KIFC1: variants seen among roughly 807,000 people sequenced by gnomAD.
KIFC1 encodes the protein kinesin family member C1, also known as kinesin-like protein KIFC1.
In KIFC1, 37 loss-of-function variants were observed where a neutral mutation model predicts 66.6. The observed-to-expected ratio is 0.56, with a 90% confidence interval of 0.43 to 0.73. KIFC1 has a LOEUF of 0.73. Ranked by LOEUF, KIFC1 falls within the 30% of genes least tolerant of loss-of-function variation. KIFC1 has a pLI of 0.00. For synonymous variants in KIFC1, 325 were observed against 343.5 expected (o/e 0.95, Z 0.60); for missense variants, 721 against 859.8 (o/e 0.84, Z 2.02).
rs999060323 is a variant in KIFC1, at chr6:33,404,692, A to C, written c.757-160A>C. On this transcript the variant is annotated intron_variant, in intron 6 of 10. Coordinates refer to ENST00000428849, the MANE Select transcript of KIFC1 (RefSeq NM_002263.4). This position sits in a 1 kb window ranked among gnomAD's most constrained non-coding sequence, Gnocchi z 4.0. ...ACATACCCATAGCACTCCCTGTCTTAGTACCATGATTCCTTATTTTCTCAT... is the reference window on the plus strand; with the variant it reads ...ACATACCCATAGCACTCCCTGTCTTCGTACCATGATTCCTTATTTTCTCAT... Among the ~76,000 whole-genome samples the C allele has an allele frequency of 6.6e-6, 1 of 152,066 alleles. No individual in the cohort carries two copies. Among genetic ancestry groups the C allele is most frequent in the Admixed American group, 6.6e-5 (1 of 15,266 alleles).
In KIFC1 at chr6:33,404,353, C is replaced by G. The variant is rs1345020304; in HGVS notation, c.756+224C>G. ...GCTTCTTCCTACCCTTGACTGTTTGCAAAGCTCTCATTTAGATCTGTGTCT... is the reference window on the plus strand; with the variant it reads ...GCTTCTTCCTACCCTTGACTGTTTGGAAAGCTCTCATTTAGATCTGTGTCT... On this transcript the variant is annotated intron_variant, in intron 6 of 10. Coordinates refer to ENST00000428849, the MANE Select transcript of KIFC1 (RefSeq NM_002263.4). The surrounding 1 kb of genome is among the most constrained non-coding windows in gnomAD (Gnocchi z 4.0). Among the ~76,000 whole-genome samples, 1 of 152,208 alleles carries G rather than the reference C, an allele frequency of 6.6e-6. No homozygotes were observed. The highest frequency in any genetic ancestry group is 1.5e-5 in the Non-Finnish European group (1 of 68,042).
In KIFC1 at chr6:33,406,026, C is replaced by T. The variant is rs1430049678; in HGVS notation, c.1537-170C>T. Among the ~76,000 whole-genome samples, 2 of 152,122 alleles carry T rather than the reference C, an allele frequency of 1.3e-5. No individual in the cohort carries two copies. The highest frequency in any genetic ancestry group is 2.9e-5 in the Non-Finnish European group (2 of 68,022). On this transcript the variant is annotated intron_variant, in intron 7 of 10. Coordinates refer to ENST00000428849, the MANE Select transcript of KIFC1 (RefSeq NM_002263.4). This position sits in a 1 kb window ranked among gnomAD's most constrained non-coding sequence, Gnocchi z 4.5. ...GTTCCCCACCCCGCCTTTATACACT[C>T]CCTATTCTATGTATTCCTTACCATT...
At position 33,404,226 on chromosome 6, in the gene KIFC1, C is replaced by A; in HGVS notation, c.756+97C>A. The A allele has an allele frequency of 8.5e-7, 1 of 1,182,430 alleles. No homozygotes were observed. Among genetic ancestry groups the A allele is most frequent in the Non-Finnish European group, 1.2e-6 (1 of 840,412 alleles). The allele number at this position is 1,182,430 out of a possible 1,614,324, so 73.2% of individuals were successfully genotyped here. On this transcript the variant is annotated intron_variant, in intron 6 of 10. Coordinates refer to ENST00000428849, the MANE Select transcript of KIFC1 (RefSeq NM_002263.4). This position sits in a 1 kb window ranked among gnomAD's most constrained non-coding sequence, Gnocchi z 4.0. ...GTACCCCTCAAGTCTGGGCTGAGAACTCCTGAGCACCTATCTTTAGCAGTA... is the reference window on the plus strand; with the variant it reads ...GTACCCCTCAAGTCTGGGCTGAGAAATCCTGAGCACCTATCTTTAGCAGTA...
At chr6:33,399,053 G>A (rs376121402) in intron 3 of KIFC1, among the ~76,000 whole-genome samples, 2 of 152,148 alleles carry the variant, frequency 1.3e-5, no homozygotes, top group South Asian at 2.1e-4. Flanking sequence ...CTCTGTATCC[G>A]TGGGTTCTGC....
In KIFC1 at chr6:33,405,411, G is replaced by A. The variant is rs746161194; in HGVS notation, c.1316G>A (p.Arg439Gln). The A allele has an allele frequency of 3.7e-6, 6 of 1,605,136 alleles. No individual in the cohort carries two copies. Among genetic ancestry groups the A allele is most frequent in the East Asian group, 4.5e-5 (2 of 44,744 alleles). ...QLEGLIPRAL[R>Q]HLFSVAQELS... The stretch of plus-strand genomic sequence containing the variant: ...GAGGGGCTGATCCCTCGGGCCCTGC[G>A]GCACCTCTTCTCTGTGGCTCAGGAG... Residue 439 changes from arginine (R) to glutamine (Q), a missense_variant, in exon 7 of 11, where the codon CGG becomes CAG. Physicochemically the swap from Arg to Gln is conservative, Grantham distance 43 (BLOSUM62 1). Transcript: ENST00000428849. This position sits in a 1 kb window ranked among gnomAD's most constrained non-coding sequence, Gnocchi z 5.4.
At chr6:33,394,550 C>G (rs1256367877) in intron 1 of KIFC1, among the ~76,000 whole-genome samples, 3 of 152,136 alleles carry the variant, frequency 2.0e-5, no homozygotes, top group African/African-American at 7.2e-5. Context: ...GGTGTGATCT[C>G]AGCTCACTGC....
rs3066474 is a variant in KIFC1 at position 33,409,705 on chromosome 6, CTGTGTGTGTGTGTGTG to C, written c.*49_*64del. The C allele has an allele frequency of 3.9e-3, 4,917 of 1,263,676 alleles. 20 individuals are homozygous for C. Among genetic ancestry groups the C allele is most frequent in the Admixed American group, 0.024 (1,263 of 52,998 alleles). 78.3% of individuals were successfully genotyped at this position (1,263,676 alleles called of 1,614,324 possible). On this transcript the variant is annotated 3_prime_UTR_variant, in exon 11 of 11. Coordinates refer to ENST00000428849, the MANE Select transcript of KIFC1 (RefSeq NM_002263.4). ...ACAGGAAGTGAAGACGGATCCAGAT[CTGTGTGTGTGTGTGTG>C]TGTGTGTGTGTGTGTGTGTGTGTGT... is the stretch of plus-strand genomic sequence containing the variant.
chr6:33,406,716 G>A lies in KIFC1; in HGVS notation c.1901+51G>A. ...GGTCAGGTAGGAACTGTGTTGGGGT[G>A]AGGGGTAGAAAGGGGAACAGTGGAG... On this transcript the variant is annotated intron_variant, in intron 9 of 10. Transcript: ENST00000428849. This position sits in a 1 kb window ranked among gnomAD's most constrained non-coding sequence, Gnocchi z 4.5. 1 of 1,611,884 alleles carries A rather than the reference G, an allele frequency of 6.2e-7. No homozygotes were observed. The highest frequency in any genetic ancestry group is 8.5e-7 in the Non-Finnish European group (1 of 1,177,944).
Position 33,405,143 on chromosome 6 carries a change from C to G in KIFC1, c.1048C>G (p.Leu350Val), listed in dbSNP as rs1242695214. The change falls in exon 7 of 11, where the codon CTC becomes GTC. Residue 350 changes from leucine (L) to valine (V), a missense_variant. Coordinates refer to ENST00000428849, the MANE Select transcript of KIFC1 (RefSeq NM_002263.4). The surrounding 1 kb of genome is among the most constrained non-coding windows in gnomAD (Gnocchi z 5.4). The part of the protein sequence containing the change: ...GPSDPPTRLS[L>V]SRSDERRGTL... ...CTCTGATCCTCCAACCCGCCTTAGC[C>G]TCTCCCGGTCTGACGAGCGGCGTGG... The G allele has an allele frequency of 6.2e-7, 1 of 1,614,176 alleles. No individual in the cohort carries two copies. Among genetic ancestry groups the G allele is most frequent in the East Asian group, 2.2e-5 (1 of 44,870 alleles).
intron 1 of KIFC1, 117 bp from the exon 2 acceptor site, chr6:33,397,912 C>T (rs1775140832): frequency 9.3e-7 from 1 of 1,080,946 alleles, no homozygotes; most frequent in African/African-American, 1.6e-5. Context: ...GCTTTTGGCA[C>T]AAGTGGTGCT....
At chr6:33,394,662 A>G (rs1416546950) in intron 1 of KIFC1, among the ~76,000 whole-genome samples, 1 of 152,140 alleles carries the variant, frequency 6.6e-6, no homozygotes, top group Non-Finnish European at 1.5e-5. Flanking sequence ...TTGTATTTTT[A>G]GTAGAGACAG....
At position 33,404,551 on chromosome 6, in the gene KIFC1, AT is replaced by A. The variant is rs1775542949; in HGVS notation, c.757-300del. Among the ~76,000 whole-genome samples the A allele has an allele frequency of 1.3e-5, 2 of 152,050 alleles. No homozygotes were observed. Among genetic ancestry groups the A allele is most frequent in the African/African-American group, 4.8e-5 (2 of 41,380 alleles). On this transcript the variant is annotated intron_variant, in intron 6 of 10. Coordinates refer to ENST00000428849, the MANE Select transcript of KIFC1 (RefSeq NM_002263.4). The surrounding 1 kb of genome is among the most constrained non-coding windows in gnomAD (Gnocchi z 4.0). The stretch of plus-strand genomic sequence containing the variant: ...ACTTTCACTTCTGGGCATTCTGCAT[AT>A]GTGCTTCCCTCTTTCTGGAATGTTC...
At chr6:33,394,960 G>A (rs1774961211) in intron 1 of KIFC1, among the ~76,000 whole-genome samples, 2 of 152,082 alleles carry the variant, frequency 1.3e-5, no homozygotes, top group South Asian at 4.2e-4. Context: ...TGCCAGTGAG[G>A]TAAGAAAGAG....
chr6:33,398,479 T>TG, intron 3 of KIFC1, 92 bp downstream of exon 3: 3 of 1,052,640 alleles, frequency 2.8e-6, no homozygotes, highest in Non-Finnish European at 4.3e-6. Flanking sequence ...ATTTTATTTT[T>TG]TTTGAGACAG....
In KIFC1 at chr6:33,409,510, A is replaced by G; in HGVS notation, c.1978-136A>G. On this transcript the variant is annotated intron_variant, in intron 10 of 10. Coordinates refer to ENST00000428849, the MANE Select transcript of KIFC1 (RefSeq NM_002263.4). ...AGGAGAACAAACCATAACTGGCACC[A>G]GCCTGAACCAGCCTTTGGAGGCCTT... The G allele has an allele frequency of 9.3e-6, 8 of 857,068 alleles. No homozygotes were observed. The South Asian group carries it at 9.9e-5, about 11-fold the overall frequency. The allele number at this position is 857,068 out of a possible 1,614,324, so 53.1% of individuals were successfully genotyped here.
chr6:33,398,462 C>T (rs889236283), intron 3 of KIFC1, 75 bp downstream of exon 3: 2 of 1,158,472 alleles, frequency 1.7e-6, no homozygotes, highest in African/African-American at 3.1e-5. Flanking sequence ...TCTTTTCTTT[C>T]AATTTTATTT....
Position 33,409,687 on chromosome 6 carries a change from G to T in KIFC1, c.2019G>T (p.Lys673Asn). ...TTGGTACTGCTCAGGCCAACAGGAAGTGAAGACGGATCCAGATCTGTGTGT... is the reference window on the plus strand; with the variant it reads ...TTGGTACTGCTCAGGCCAACAGGAATTGAAGACGGATCCAGATCTGTGTGT... ...CVIGTAQANR[K>N] Residue 673 changes from lysine (K) to asparagine (N), a missense_variant, in exon 11 of 11, where the codon AAG becomes AAT. Transcript: ENST00000428849. 6.3e-7 allele frequency: 1 copy of T among 1,598,544 alleles called. No homozygotes were observed.
At chr6:33,393,887 C>T (rs1774910702) in intron 1 of KIFC1, among the ~76,000 whole-genome samples, 1 of 151,978 alleles carries the variant, frequency 6.6e-6, no homozygotes, top group Non-Finnish European at 1.5e-5. Flanking sequence ...GCTGGGACTA[C>T]AGGCGCCTGC....
At position 33,401,686 on chromosome 6, in the gene KIFC1, T is replaced by C. The variant is rs774336034; in HGVS notation, c.251-1628T>C. 7.0e-6 allele frequency among the ~76,000 whole-genome samples: 1 copy of C among 142,832 alleles called. No individual in the cohort carries two copies. The highest frequency in any genetic ancestry group is 7.4e-5 in the Admixed American group (1 of 13,468). 93.7% of individuals were successfully genotyped at this position (142,832 alleles called of 152,430 possible). A position where few individuals can be genotyped will look rare whatever the true frequency, so the allele number is the denominator to read the frequency against. On this transcript the variant is annotated intron_variant, in intron 3 of 10. Transcript: ENST00000428849. The surrounding 1 kb of genome is among the most constrained non-coding windows in gnomAD (Gnocchi z 4.5). ...GAGATGTGACTTCCTGTGATAACAATGCTTTCTTCTGGATTGCCTTTTTTT... is the reference window on the plus strand; with the variant it reads ...GAGATGTGACTTCCTGTGATAACAACGCTTTCTTCTGGATTGCCTTTTTTT...
Sources: gnomAD v4.1 joint callset for allele counts (sites outside exome capture counted in the v4.1 genomes callset) on GRCh38, gnomAD v4.1.1 for gene constraint, Gnocchi (gnomAD v3.1) non-coding constraint, MANE v1.5 for transcripts, NCBI Gene and HGNC (gene_info 2026-07-23, HGNC 2026-07-21) for gene names.